HUNK: variants seen among roughly 807,000 people sequenced by gnomAD.
HUNK encodes the protein hormonally up-regulated Neu-associated kinase.
Under a neutral mutation model 61.0 loss-of-function variants are expected in HUNK, and 21 were observed. The observed-to-expected ratio is 0.34, with a 90% confidence interval of 0.24 to 0.50. The LOEUF is 0.50. Among genes scored for constraint, HUNK ranks in the 20% least tolerant of loss-of-function variants. The pLI, the probability that HUNK is intolerant of heterozygous loss-of-function variation, is 0.98. For missense variants in HUNK, 772 were observed against 945.7 expected, an observed-to-expected ratio of 0.82 and a Z score of 2.41; for synonymous variants, 371 against 386.1, an observed-to-expected ratio of 0.96 and a Z score of 0.46.
chr21:31,900,541 A>G (rs1042557882), intron 1 of HUNK, among the ~76,000 whole-genome samples: 1 of 151,960 alleles, frequency 6.6e-6, no homozygotes, highest in African/African-American at 2.4e-5. Context: ...ACTCGGTAGA[A>G]TGCAGGTCTC....
chr21:31,984,567 A>C lies in HUNK; in HGVS notation c.1257+958A>C, dbSNP rs138501296. On this transcript the variant is annotated intron_variant, in intron 8 of 10. Coordinates refer to ENST00000270112, the MANE Select transcript of HUNK (RefSeq NM_014586.2). ...TGGGACGTACCTAGAGAAAAAGAAC[A>C]CAACTCTGATTTCAGAATAAAAACT... Among the ~76,000 whole-genome samples, 715 of 152,254 alleles carry C rather than the reference A, an allele frequency of 4.7e-3. 6 individuals carry two copies. The highest frequency in any genetic ancestry group is 0.016 in the African/African-American group (673 of 41,536).
In HUNK at chr21:31,999,115, C is replaced by G. The variant is rs776555824; in HGVS notation, c.2076C>G (p.Pro692=). ...SADRPLEASL[P]PLQPLAPVNL... ...ATAGGCCCCTGGAGGCCAGCCTGCC[C>G]CCACTGCAGCCCCTAGCCCCTGTGA... Residue 692 remains proline, a synonymous_variant, in exon 11 of 11, where the codon CCC becomes CCG. Transcript: ENST00000270112. 1 of 1,614,188 alleles carries G rather than the reference C, an allele frequency of 6.2e-7. No individual in the cohort carries two copies. The highest frequency in any genetic ancestry group is 1.7e-5 in the Admixed American group (1 of 60,030).
intron 3 of HUNK, among the ~76,000 whole-genome samples, chr21:31,943,139 TTCTC>T (rs1251687716): frequency 6.6e-6 from 1 of 152,232 alleles, no homozygotes. Flanking sequence ...TCTTAATAGT[TTCTC>T]TTTCTTTGAA....
At chr21:31,968,182 T>C in intron 5 of HUNK, 68 bp from the exon 6 acceptor site, 1 of 1,595,948 alleles carries the variant, frequency 6.3e-7, no homozygotes, top group South Asian at 1.1e-5. Context: ...TCCCCTGTGA[T>C]GGTGGCTTTC....
chr21:31,898,985 C>G (rs188538431), intron 1 of HUNK, among the ~76,000 whole-genome samples: 1 of 152,120 alleles, frequency 6.6e-6, no homozygotes, highest in African/African-American at 2.4e-5. Flanking sequence ...TGTATGTTAT[C>G]GTGGAAACTG....
chr21:31,917,400 A>C (rs2052590961), intron 1 of HUNK, among the ~76,000 whole-genome samples: 2 of 152,060 alleles, frequency 1.3e-5, no homozygotes, highest in African/African-American at 4.8e-5. Flanking sequence ...ACAAGCTGCT[A>C]TTTCTTAATT....
intron 1 of HUNK, among the ~76,000 whole-genome samples, chr21:31,874,735 C>T (rs1354391415): frequency 6.6e-6 from 1 of 152,066 alleles, no homozygotes; most frequent in Non-Finnish European, 1.5e-5. Flanking sequence ...ATACCTCCCC[C>T]CAGAGACTGG....
intron 4 of HUNK, among the ~76,000 whole-genome samples, chr21:31,958,275 C>G (rs868860601): frequency 1.3e-5 from 2 of 149,728 alleles, no homozygotes; most frequent in Non-Finnish European, 3.0e-5. Flanking sequence ...TTCAAGTGCT[C>G]TCACCCAAGA....
At chr21:31,941,669 G>A (rs2052769705) in intron 3 of HUNK, among the ~76,000 whole-genome samples, 1 of 152,174 alleles carries the variant, frequency 6.6e-6, no homozygotes, top group Non-Finnish European at 1.5e-5. Flanking sequence ...GCCAAGTGCA[G>A]AAGCTGGAAA....
At chr21:31,967,597 C>T (rs2052976029) in intron 5 of HUNK, among the ~76,000 whole-genome samples, 1 of 151,860 alleles carries the variant, frequency 6.6e-6, no homozygotes, top group Non-Finnish European at 1.5e-5. Context: ...CGTGGTGGCT[C>T]AGGCCTATAA....
At chr21:31,912,673 C>G (rs531267809) in intron 1 of HUNK, among the ~76,000 whole-genome samples, 1 of 152,226 alleles carries the variant, frequency 6.6e-6, no homozygotes, top group South Asian at 2.1e-4. Flanking sequence ...TCTCAAGGAG[C>G]TGGGAACACA....
At chr21:31,933,810 T>C (rs116003106) in intron 2 of HUNK, among the ~76,000 whole-genome samples, 1,630 of 148,438 alleles carry the variant, frequency 0.011, 21 homozygotes, top group African/African-American at 0.038. Flanking sequence ...AGGTTAACAC[T>C]GAATTTCCAG....
intron 2 of HUNK, among the ~76,000 whole-genome samples, chr21:31,936,974 A>G: frequency 6.6e-6 from 1 of 152,180 alleles, no homozygotes; most frequent in Non-Finnish European, 1.5e-5. Flanking sequence ...AAGAGGGCTT[A>G]ACTTCGTTTG....
chr21:31,917,756 A>C (rs192754895), intron 1 of HUNK, among the ~76,000 whole-genome samples: 472 of 122,468 alleles, frequency 3.9e-3, no homozygotes, highest in Middle Eastern at 8.9e-3. Flanking sequence ...ACACACACAC[A>C]CCCCTGGACT....
intron 2 of HUNK, 141 bp from the exon 3 acceptor site, chr21:31,940,024 T>C (rs2052759408): frequency 3.1e-6 from 2 of 642,492 alleles, no homozygotes; most frequent in African/African-American, 1.9e-5. Context: ...AAATATTTAC[T>C]TGTTGATTGA....
Position 31,951,293 on chromosome 21 carries a change from A to G in HUNK, c.746+5122A>G, listed in dbSNP as rs79201691. On this transcript the variant is annotated intron_variant, in intron 4 of 10. Coordinates refer to ENST00000270112, the MANE Select transcript of HUNK (RefSeq NM_014586.2). ...AAAAATATTCATTCTGGTGCATTGAACTTTTATTACTGTGAATTGACTTTT... is the reference window on the plus strand; with the variant it reads ...AAAAATATTCATTCTGGTGCATTGAGCTTTTATTACTGTGAATTGACTTTT... 1.1e-3 allele frequency among the ~76,000 whole-genome samples: 160 copies of G among 152,092 alleles called. 1 individual carries two copies. The highest frequency in any genetic ancestry group is 3.7e-3 in the African/African-American group (155 of 41,514).
intron 1 of HUNK, among the ~76,000 whole-genome samples, chr21:31,879,730 G>A (rs1459328874): frequency 6.6e-6 from 1 of 152,212 alleles, no homozygotes; most frequent in Admixed American, 6.5e-5. Flanking sequence ...AAGGGGTGGG[G>A]AGTGGCAGCC....
At chr21:31,903,143 C>G (rs1431309222) in intron 1 of HUNK, among the ~76,000 whole-genome samples, 1 of 151,976 alleles carries the variant, frequency 6.6e-6, no homozygotes, top group Non-Finnish European at 1.5e-5. Flanking sequence ...ATAACTTATG[C>G]TTGACCCAAA....
intron 2 of HUNK, among the ~76,000 whole-genome samples, chr21:31,933,219 C>T (rs1442344028): frequency 2.0e-5 from 3 of 152,032 alleles, no homozygotes; most frequent in Non-Finnish European, 4.4e-5. Flanking sequence ...CCTGGCCCTG[C>T]ACTACCTTCT....
Sources: gnomAD v4.1 joint callset for allele counts (sites outside exome capture counted in the v4.1 genomes callset) on GRCh38, gnomAD v4.1.1 for gene constraint, MANE v1.5 for transcripts, NCBI Gene and HGNC (gene_info 2026-07-23, HGNC 2026-07-21) for gene names.